ZNF670: variants seen among roughly 807,000 people sequenced by gnomAD.
ZNF670 encodes the protein zinc finger protein 670.
Under a neutral mutation model 10.9 loss-of-function variants are expected in ZNF670, and 7 were observed. The observed-to-expected ratio is 0.64, with a 90% confidence interval of 0.36 to 1.20. The LOEUF (loss-of-function observed/expected upper bound fraction) is 1.20, where lower values mean the gene tolerates loss of function less well. ZNF670 is among the 50% of genes most tolerant of loss of function. The probability of loss-of-function intolerance (pLI) is 0.02; values close to 1 mark genes in which losing one functional copy is unlikely to be tolerated. For missense variants in ZNF670, 446 were observed against 458.6 expected, an observed-to-expected ratio of 0.97 and a Z score of 0.25; for synonymous variants, 136 against 152.7, an observed-to-expected ratio of 0.89 and a Z score of 0.81.
At chr1:247,064,738 G>A (rs1670943631) in intron 1 of ZNF670, among the ~76,000 whole-genome samples, 1 of 152,182 alleles carries the variant, frequency 6.6e-6, no homozygotes, top group Non-Finnish European at 1.5e-5. Flanking sequence ...CGAGGCTGTT[G>A]GCCCCAGGAT....
chr1:247,041,115 T>C (rs939847970), intron 1 of ZNF670, among the ~76,000 whole-genome samples: 7 of 152,190 alleles, frequency 4.6e-5, no homozygotes, highest in African/African-American at 1.7e-4. Context: ...TACATTGCAT[T>C]CCCCTCTATT....
intron 1 of ZNF670, chr1:247,042,644 G>A (rs1430804668): frequency 3.9e-6 from 1 of 255,222 alleles, no homozygotes; most frequent in South Asian, 4.8e-5. Flanking sequence ...CTGATGTGAC[G>A]TCAGAAGTAG....
At chr1:247,038,961 A>AT in intron 2 of ZNF670, 91 bp from the exon 3 acceptor site, 1 of 914,796 alleles carries the variant, frequency 1.1e-6, no homozygotes, top group South Asian at 2.1e-5. Flanking sequence ...ACCATAACTA[A>AT]TTTTTTTCAC....
At chr1:247,075,342 T>C (rs1034941320) in intron 1 of ZNF670, among the ~76,000 whole-genome samples, 1 of 152,212 alleles carries the variant, frequency 6.6e-6, no homozygotes, top group Non-Finnish European at 1.5e-5. Flanking sequence ...TTGATAAATA[T>C]TTATAATTCA....
rs1024287081 is a variant in ZNF670 at position 247,036,094 on chromosome 1, A to G, written c.*1355T>C. Among the ~76,000 whole-genome samples, 1 of 152,210 alleles carries G rather than the reference A, an allele frequency of 6.6e-6. No homozygotes were observed. Among genetic ancestry groups the G allele is most frequent in the African/African-American group, 2.4e-5 (1 of 41,448 alleles). On this transcript the variant is annotated 3_prime_UTR_variant, in exon 4 of 4. Coordinates refer to ENST00000366503, the MANE Select transcript of ZNF670 (RefSeq NM_033213.5). ...TCACCCAGATAACCATAATATATTT[A>G]TATCTGAAAGCCAGTTAACGTAATA...
chr1:247,042,209 A>G (rs1670327437), intron 1 of ZNF670, among the ~76,000 whole-genome samples: 1 of 152,244 alleles, frequency 6.6e-6, no homozygotes, highest in African/African-American at 2.4e-5. Flanking sequence ...TTTCACAGAA[A>G]TAAGTAAATT....
intron 1 of ZNF670, among the ~76,000 whole-genome samples, chr1:247,066,050 T>G (rs899776241): frequency 6.6e-6 from 1 of 152,194 alleles, no homozygotes; most frequent in African/African-American, 2.4e-5. Context: ...TAGACAGTAC[T>G]CTGTGTGCAA....
chr1:247,062,013 G>A (rs529255711), intron 1 of ZNF670, among the ~76,000 whole-genome samples: 33 of 152,256 alleles, frequency 2.2e-4, no homozygotes, highest in Admixed American at 2.0e-3. Context: ...ATAATAAACT[G>A]TGATCATATT....
In ZNF670 at chr1:247,037,837, G is replaced by T. The variant is rs1670197350; in HGVS notation, c.782C>A (p.Ala261Asp). 4 of 1,613,304 alleles carry T rather than the reference G, an allele frequency of 2.5e-6. No homozygotes were observed. In the South Asian group the frequency reaches 4.4e-5, roughly 18 times the overall value. ...KPYECKECGK[A>D]FSRSTYLGIH... ...TCCCAAGTAAGTGGAACGACTGAAG[G>T]CTTTGCCACATTCCTTACATTCATA... Residue 261 changes from alanine to aspartate, a missense_variant, in exon 4 of 4, where the codon GCC becomes GAC. Physicochemically the swap from Ala to Asp is moderately radical, Grantham distance 126. Coordinates refer to ENST00000366503, the MANE Select transcript of ZNF670 (RefSeq NM_033213.5).
chr1:247,067,617 C>G (rs542141247), intron 1 of ZNF670, among the ~76,000 whole-genome samples: 1 of 144,530 alleles, frequency 6.9e-6, no homozygotes, highest in African/African-American at 2.6e-5. Context: ...CCGAGGCGGG[C>G]GGATCACGAG....
At chr1:247,071,314 CT>C (rs1388124443) in intron 1 of ZNF670, among the ~76,000 whole-genome samples, 1 of 152,228 alleles carries the variant, frequency 6.6e-6, no homozygotes, top group Non-Finnish European at 1.5e-5. Context: ...AAATCACGCC[CT>C]TTGCAGCAAC....
chr1:247,040,545 T>C lies in ZNF670; in HGVS notation c.4-1008A>G, dbSNP rs1260173114. On this transcript the variant is annotated intron_variant, in intron 1 of 3. Coordinates refer to ENST00000366503, the MANE Select transcript of ZNF670 (RefSeq NM_033213.5). ...AAAATGTCTAAGAATTGTCAAAGTC[T>C]TCCAAACAATAGGGCAATGGCTTCC... Among the ~76,000 whole-genome samples the C allele has an allele frequency of 2.0e-5, 3 of 152,320 alleles. No homozygotes were observed. The East Asian group carries it at 5.8e-4, about 29-fold the overall frequency.
rs771950911 is a variant in ZNF670 at position 247,037,829 on chromosome 1, G to A, written c.790C>T (p.Arg264Cys). Reference protein sequence around the residue: ...ECKECGKAFSRSTYLGIHERT... With the variant: ...ECKECGKAFSCSTYLGIHERT... ...TCATGTATTCCCAAGTAAGTGGAACGACTGAAGGCTTTGCCACATTCCTTA... is the reference window on the plus strand; with the variant it reads ...TCATGTATTCCCAAGTAAGTGGAACAACTGAAGGCTTTGCCACATTCCTTA... The change falls in exon 4 of 4, where the codon CGT becomes TGT. Residue 264 changes from arginine (R) to cysteine (C), a missense_variant. Physicochemically the swap from Arg to Cys is radical, Grantham distance 180 (BLOSUM62 -3). Coordinates refer to ENST00000366503, the MANE Select transcript of ZNF670 (RefSeq NM_033213.5). 10 of 1,612,440 alleles carry A rather than the reference G, an allele frequency of 6.2e-6. No homozygotes were observed. In the East Asian group the frequency reaches 6.7e-5, roughly 11 times the overall value.
At chr1:247,068,049 C>T (rs55767335) in intron 1 of ZNF670, among the ~76,000 whole-genome samples, 39,548 of 147,996 alleles carry the variant, frequency 0.27, 7,021 homozygotes, top group African/African-American at 0.45. Context: ...CTGGGCGCAG[C>T]GGCTCACGCC....
At position 247,037,776 on chromosome 1, in the gene ZNF670, A is replaced by G; in HGVS notation, c.843T>C (p.Tyr281=). ...HERTHTGEKP[Y]ECIKCGKAFR... ...AGGCTTTGCCACATTTTATACATTC[A>G]TAGGGTTTTTCTCCAGTATGCGTTC... The change falls in exon 4 of 4, where the codon TAT becomes TAC. Residue 281 remains tyrosine, a synonymous_variant. Transcript: ENST00000366503. 1 of 1,613,924 alleles carries G rather than the reference A, an allele frequency of 6.2e-7. No homozygotes were observed. Among genetic ancestry groups the G allele is most frequent in the Non-Finnish European group, 8.5e-7 (1 of 1,179,960 alleles).
chr1:247,046,529 T>C (rs748014065), intron 1 of ZNF670, among the ~76,000 whole-genome samples: 3 of 152,140 alleles, frequency 2.0e-5, no homozygotes, highest in Non-Finnish European at 4.4e-5. Flanking sequence ...TGCAGGTGCA[T>C]AGAATACAAG....
chr1:247,061,702 G>A (rs1257937287), intron 1 of ZNF670, among the ~76,000 whole-genome samples: 1 of 152,138 alleles, frequency 6.6e-6, no homozygotes, highest in African/African-American at 2.4e-5. Flanking sequence ...TGCTTTGTTA[G>A]TGAACTTAAG....
chr1:247,039,287 C>G (rs776992405), intron 2 of ZNF670, 124 bp downstream of exon 2: 61 of 1,111,720 alleles, frequency 5.5e-5, no homozygotes, highest in Non-Finnish European at 7.4e-5. Flanking sequence ...TCTTGAACTC[C>G]TGACCTCAGG....
chr1:247,037,954 T>C lies in ZNF670; in HGVS notation c.665A>G (p.Glu222Gly), dbSNP rs748017456. Residue 222 changes from glutamate to glycine, a missense_variant, in exon 4 of 4, where the codon GAG becomes GGG. Physicochemically the swap from Glu to Gly is moderately conservative, Grantham distance 98 (BLOSUM62 -2). Coordinates refer to ENST00000366503, the MANE Select transcript of ZNF670 (RefSeq NM_033213.5). ...ACATTTCTTACATGCATAGGGTTTC[T>C]CTCCAGTATGAGTTCTTTCATGTTC... ...LREHERTHTG[E>G]KPYACKKCGK... 1 of 1,613,728 alleles carries C rather than the reference T, an allele frequency of 6.2e-7. No homozygotes were observed. Among genetic ancestry groups the C allele is most frequent in the South Asian group, 1.1e-5 (1 of 90,962 alleles).
Sources: gnomAD v4.1 joint callset for allele counts (sites outside exome capture counted in the v4.1 genomes callset) on GRCh38, gnomAD v4.1.1 for gene constraint, MANE v1.5 for transcripts, NCBI Gene and HGNC (gene_info 2026-07-23, HGNC 2026-07-21) for gene names.